DGKI: variants seen among roughly 807,000 people sequenced by gnomAD.
The protein encoded by DGKI is DAG kinase iota.
In DGKI, 55 loss-of-function variants were observed where a neutral mutation model predicts 147.5. The observed-to-expected ratio is 0.37, with a 90% CI of 0.30 to 0.47. DGKI has a LOEUF of 0.47. DGKI is among the 20% of genes least tolerant of loss of function. The probability of loss-of-function intolerance (pLI) is 1.00; values close to 1 mark genes in which losing one functional copy is unlikely to be tolerated. For synonymous variants in DGKI, 469 were observed against 477.1 expected (o/e 0.98, Z 0.22); for missense variants, 1,007 against 1,323.8 (o/e 0.76, Z 3.71).
intron 28 of DGKI, among the ~76,000 whole-genome samples, chr7:137,416,627 A>G (rs1812371649): frequency 6.6e-6 from 1 of 152,112 alleles, no homozygotes; most frequent in African/African-American, 2.4e-5. Flanking sequence ...AAACCAGGAG[A>G]GCATATAAAT....
At chr7:137,709,357 C>A (rs994864357) in intron 1 of DGKI, among the ~76,000 whole-genome samples, 2 of 152,020 alleles carry the variant, frequency 1.3e-5, no homozygotes, top group African/African-American at 4.8e-5. Context: ...AGTATACATA[C>A]ATTTATATGT....
At chr7:137,541,094 T>TGAAGAATAAATTTG in intron 20 of DGKI, among the ~76,000 whole-genome samples, 1 of 152,164 alleles carries the variant, frequency 6.6e-6, no homozygotes, top group South Asian at 2.1e-4. Context: ...GTGTTGACAA[T>TGAAGAATAAATTTG]GAAGAATAAA....
intron 1 of DGKI, among the ~76,000 whole-genome samples, chr7:137,716,919 G>C (rs879458022): frequency 2.0e-4 from 30 of 152,106 alleles, no homozygotes; most frequent in African/African-American, 7.2e-4. Context: ...ATTCCTACCT[G>C]ACTCTTACAG....
At chr7:137,773,025 C>T (rs964270288) in intron 1 of DGKI, among the ~76,000 whole-genome samples, 1 of 152,168 alleles carries the variant, frequency 6.6e-6, no homozygotes, top group African/African-American at 2.4e-5. Context: ...TGCAGGAATG[C>T]ACTCCCTTTT....
At chr7:137,830,979 AGTT>A (rs1798201332) in intron 1 of DGKI, among the ~76,000 whole-genome samples, 1 of 152,228 alleles carries the variant, frequency 6.6e-6, no homozygotes, top group South Asian at 2.1e-4. Context: ...AACTACTCAG[AGTT>A]GTTGTGAGAA....
At chr7:137,472,338 C>A (rs57493607) in intron 23 of DGKI, among the ~76,000 whole-genome samples, 4 of 103,482 alleles carry the variant, frequency 3.9e-5, no homozygotes, top group African/African-American at 2.1e-4. Flanking sequence ...TGTATATATA[C>A]ATATAATTAT....
intron 27 of DGKI, among the ~76,000 whole-genome samples, chr7:137,444,481 T>C (rs1813636210): frequency 6.6e-6 from 1 of 152,222 alleles, no homozygotes; most frequent in African/African-American, 2.4e-5. Flanking sequence ...AGATTGGGTG[T>C]CTGTAGATAC....
chr7:137,728,911 TATC>T (rs1794790562), intron 1 of DGKI, among the ~76,000 whole-genome samples: 1 of 152,200 alleles, frequency 6.6e-6, no homozygotes, highest in African/African-American at 2.4e-5. Flanking sequence ...ATAATCTCCT[TATC>T]AGGATAATCT....
At chr7:137,469,363 G>T (rs895327151) in intron 24 of DGKI, among the ~76,000 whole-genome samples, 187 bp downstream of exon 24, 4 of 152,186 alleles carry the variant, frequency 2.6e-5, no homozygotes, top group African/African-American at 9.7e-5. Context: ...TGAGGGAAAT[G>T]ACTTCAGGAA....
chr7:137,812,019 T>C (rs977321401), intron 1 of DGKI, among the ~76,000 whole-genome samples: 1 of 152,216 alleles, frequency 6.6e-6, no homozygotes, highest in Non-Finnish European at 1.5e-5. Context: ...TTATCTTAGT[T>C]TACAGATTAA....
intron 1 of DGKI, among the ~76,000 whole-genome samples, chr7:137,805,822 T>C (rs1015651767): frequency 2.0e-5 from 3 of 152,234 alleles, no homozygotes; most frequent in African/African-American, 4.8e-5. Context: ...TGCTCTCATT[T>C]TCAAGATAAA....
chr7:137,627,147 C>T (rs999976944), intron 6 of DGKI, among the ~76,000 whole-genome samples: 5 of 152,138 alleles, frequency 3.3e-5, no homozygotes, highest in African/African-American at 1.2e-4. Context: ...AAACCTACCC[C>T]CATTTCATAT....
intron 1 of DGKI, among the ~76,000 whole-genome samples, chr7:137,818,599 G>GC (rs1563211932): frequency 6.6e-6 from 1 of 152,062 alleles, no homozygotes; most frequent in Non-Finnish European, 1.5e-5. Context: ...GCGCCACCAT[G>GC]CCCGGCTAAT....
intron 27 of DGKI, among the ~76,000 whole-genome samples, chr7:137,457,241 TG>T (rs978081413): frequency 6.6e-6 from 1 of 152,208 alleles, no homozygotes; most frequent in Non-Finnish European, 1.5e-5. Context: ...ATCTTTATCC[TG>T]ACAGCACTGA....
intron 21 of DGKI, chr7:137,493,903 T>G: frequency 1.6e-6 from 1 of 618,130 alleles, no homozygotes; most frequent in East Asian, 2.8e-5. Flanking sequence ...AGGAGAAAGT[T>G]AACACCCAAT....
At chr7:137,712,466 T>C (rs756998860) in intron 1 of DGKI, among the ~76,000 whole-genome samples, 2 of 152,204 alleles carry the variant, frequency 1.3e-5, no homozygotes, top group Non-Finnish European at 2.9e-5. Flanking sequence ...ATCTCAAGAA[T>C]GTGCAATAAT....
At chr7:137,735,644 G>C (rs1228971094) in intron 1 of DGKI, among the ~76,000 whole-genome samples, 1 of 152,104 alleles carries the variant, frequency 6.6e-6, no homozygotes, top group Admixed American at 6.6e-5. Context: ...TTGGGATTCA[G>C]AAGTGCCAGT....
chr7:137,515,954 T>C (rs1270262933), intron 21 of DGKI, among the ~76,000 whole-genome samples: 3 of 151,942 alleles, frequency 2.0e-5, no homozygotes, highest in Non-Finnish European at 4.4e-5. Flanking sequence ...GGAATAAACA[T>C]AAACACACTT....
At chr7:137,552,752 T>TCCA (rs777780004) in intron 19 of DGKI, among the ~76,000 whole-genome samples, 184 bp from the exon 20 acceptor site, 11 of 121,282 alleles carry the variant, frequency 9.1e-5, no homozygotes, top group Admixed American at 2.4e-4. Context: ...CTACTAAAAA[T>TCCA]ACAAAAAAAA....
Sources: gnomAD v4.1 joint callset for allele counts (sites outside exome capture counted in the v4.1 genomes callset) on GRCh38, gnomAD v4.1.1 for gene constraint, MANE v1.5 for transcripts, NCBI Gene and HGNC (gene_info 2026-07-23, HGNC 2026-07-21) for gene names.